The following XG variants were observed in gnomAD, a reference collection of about 807,000 sequenced individuals.
XG encodes the protein Xg glycoprotein (Xg blood group), also known as glycoprotein Xg.
Under a neutral mutation model 25.7 loss-of-function variants are expected in XG, and 24 were observed. That is an observed-to-expected ratio of 0.93 (90% CI 0.68 to 1.31). XG has a LOEUF of 1.31. XG is among the 40% of genes most tolerant of loss of function. XG has a pLI of 0.00. For synonymous variants in XG, 77 were observed against 69.2 expected, an observed-to-expected ratio of 1.11 and a Z score of -0.56; for missense variants, 181 against 187.6, an observed-to-expected ratio of 0.96 and a Z score of 0.21.
chrX:2,767,659 C>G (rs2124439866), intron 1 of XG, among the ~76,000 whole-genome samples: 1 of 152,262 alleles, frequency 6.6e-6, no homozygotes, highest in African/African-American at 2.4e-5. Flanking sequence ...GCCCAGGGGT[C>G]TTACTCCAGA....
chrX:2,753,535 G>A (rs2050375060), intron 1 of XG, among the ~76,000 whole-genome samples: 1 of 151,900 alleles, frequency 6.6e-6, no homozygotes, highest in Admixed American at 6.6e-5. Flanking sequence ...AAATTGGTAT[G>A]CATTCAGTAC....
intron 7 of XG, among the ~76,000 whole-genome samples, chrX:2,806,102 A>G (rs1603457944): frequency 1.8e-5 from 2 of 112,055 alleles, no homozygotes; most frequent in Non-Finnish European, 3.8e-5. Context: ...ATCATAGATC[A>G]TTGCAGCCTC....
intron 4 of XG, among the ~76,000 whole-genome samples, chrX:2,783,489 C>T (rs1364340346): frequency 1.4e-4 from 16 of 112,577 alleles, no homozygotes; most frequent in Non-Finnish European, 2.8e-4. Flanking sequence ...GGCAGAGCAG[C>T]GTGAAGCTGG....
rs781365329 is a variant in XG, at chrX:2,776,747, C to T, written c.127+2008C>T. Among the ~76,000 whole-genome samples, 64 of 152,256 alleles carry T rather than the reference C, an allele frequency of 4.2e-4. No homozygotes were observed. In the South Asian group the frequency reaches 0.011, roughly 27 times the overall value. ...CCTGTAGTCTCAGCTACTTGGGAGGCTGAGGCAGGAGAATGGCGTGAACCC... is the reference window on the plus strand; with the variant it reads ...CCTGTAGTCTCAGCTACTTGGGAGGTTGAGGCAGGAGAATGGCGTGAACCC... On this transcript the variant is annotated intron_variant, in intron 3 of 10. Coordinates refer to ENST00000644266, the MANE Select transcript of XG (RefSeq NM_001141919.2).
chrX:2,768,802 G>GA (rs1188423124), intron 1 of XG, among the ~76,000 whole-genome samples: 2 of 152,074 alleles, frequency 1.3e-5, no homozygotes, highest in African/African-American at 4.8e-5. Flanking sequence ...CAACAATAAA[G>GA]AAAAAATAAG....
rs1228784732 is a variant in XG at position 2,770,024 on chromosome X, T to TG, written c.62-518dup. ...TAGACTCTGTGCGTGTGTGGAGGGG[T>TG]GGGGGGGGCGTTGGGGGGCGGGGAT... On this transcript the variant is annotated intron_variant, in intron 1 of 10. Transcript: ENST00000644266. Among the ~76,000 whole-genome samples, 182 of 28,162 alleles carry TG rather than the reference T, an allele frequency of 6.5e-3. 8 individuals are homozygous for TG. In the South Asian group the frequency reaches 0.067, roughly 10 times the overall value. The allele number at this position is 28,162 out of a possible 152,430, so 18.5% of individuals were successfully genotyped here. A position where few individuals can be genotyped will look rare whatever the true frequency, so the allele number is the denominator to read the frequency against.
At chrX:2,758,124 C>T (rs766575458) in intron 1 of XG, among the ~76,000 whole-genome samples, 4 of 152,134 alleles carry the variant, frequency 2.6e-5, no homozygotes, top group South Asian at 2.1e-4. Context: ...CATTCTGGTG[C>T]CCCCTCTCTC....
At chrX:2,800,821 C>T (rs1160422635) in intron 7 of XG, among the ~76,000 whole-genome samples, 1 of 110,606 alleles carries the variant, frequency 9.0e-6, no homozygotes, top group Non-Finnish European at 1.9e-5. Flanking sequence ...AACCCTGTCT[C>T]TACAAGAAAA....
chrX:2,800,719 GGCCCAC>G (rs1199268050), intron 7 of XG, among the ~76,000 whole-genome samples: 2 of 111,653 alleles, frequency 1.8e-5, no homozygotes, highest in East Asian at 5.7e-4. Context: ...CGGGCATGGT[GGCCCAC>G]GCCTGTAATC....
chrX:2,763,855 G>A (rs1324593345), intron 1 of XG, among the ~76,000 whole-genome samples: 8 of 152,082 alleles, frequency 5.3e-5, no homozygotes, highest in African/African-American at 1.2e-4. Flanking sequence ...GGCGGTGTTC[G>A]GCTTTACTGC....
At position 2,815,800 on chromosome X, in the gene XG, T is replaced by TACACACACACACACACACACACACAC. The variant is rs67528439; in HGVS notation, c.*1442_*1443insACACACACACACACACACACACACAC. On this transcript the variant is annotated 3_prime_UTR_variant, in exon 11 of 11. Transcript: ENST00000644266. ...TTGTGAAAAAACCTGTGTTTTTAGTTACACACACACACACACACACACCTA... is the reference window on the plus strand; with the variant it reads ...TTGTGAAAAAACCTGTGTTTTTAGTTACACACACACACACACACACACACACACACACACACACACACACACACCTA... 3.5e-5 allele frequency: 2 copies of TACACACACACACACACACACACACAC among 57,008 alleles called. No homozygotes were observed. The highest frequency in any genetic ancestry group is 8.8e-5 in the African/African-American group (2 of 22,707). 4.7% of individuals were successfully genotyped at this position (57,008 alleles called of 1,213,427 possible).
intron 6 of XG, among the ~76,000 whole-genome samples, chrX:2,795,602 A>G (rs1486163704): frequency 1.8e-5 from 2 of 110,473 alleles, no homozygotes; most frequent in Non-Finnish European, 3.8e-5. Flanking sequence ...ATACATGTGT[A>G]TATATCTTTA....
chrX:2,757,335 G>A (rs2050457436), intron 1 of XG, among the ~76,000 whole-genome samples: 1 of 151,670 alleles, frequency 6.6e-6, no homozygotes, highest in South Asian at 2.1e-4. Context: ...CAACATTTGG[G>A]CACAAAAATA....
rs757185469 is a variant in XG at position 2,758,371 on chromosome X, G to A, written c.61+6036G>A. On this transcript the variant is annotated intron_variant, in intron 1 of 10. Coordinates refer to ENST00000644266, the MANE Select transcript of XG (RefSeq NM_001141919.2). ...TGTGGGTCAGGCATTTGGGAGCTGGGAGACCTGCATTTTAAGAAGCACCCC... is the reference window on the plus strand; with the variant it reads ...TGTGGGTCAGGCATTTGGGAGCTGGAAGACCTGCATTTTAAGAAGCACCCC... Among the ~76,000 whole-genome samples the A allele has an allele frequency of 2.6e-5, 4 of 152,278 alleles. No individual in the cohort carries two copies. In the South Asian group the frequency reaches 8.3e-4, roughly 32 times the overall value.
Position 2,797,393 on chromosome X carries a change from G to A in XG, c.373+33G>A, listed in dbSNP as rs200183426. The A allele has an allele frequency of 2.5e-5, 29 of 1,148,120 alleles. No individual in the cohort carries two copies. In the East Asian group the frequency reaches 8.7e-4, roughly 34 times the overall value. The allele number at this position is 1,148,120 out of a possible 1,213,427, so 94.6% of individuals were successfully genotyped here. The stretch of plus-strand genomic sequence containing the variant: ...TACATCTGGGCATGCGATGGTGGGT[G>A]GAGGGTGGGAGGGGTCATCTTTCTA... On this transcript the variant is annotated intron_variant, in intron 7 of 10. Coordinates refer to ENST00000644266, the MANE Select transcript of XG (RefSeq NM_001141919.2).
At chrX:2,811,125 A>T (rs1416967563) in intron 9 of XG, among the ~76,000 whole-genome samples, 2 of 107,781 alleles carry the variant, frequency 1.9e-5, no homozygotes, top group Non-Finnish European at 3.8e-5. Context: ...CTTTTTTTTT[A>T]AATTAAGTTT....
At chrX:2,756,327 G>T (rs2050434066) in intron 1 of XG, among the ~76,000 whole-genome samples, 1 of 151,966 alleles carries the variant, frequency 6.6e-6, no homozygotes, top group African/African-American at 2.4e-5. Context: ...GTCATTTATT[G>T]AGGGGAAAAA....
intron 4 of XG, among the ~76,000 whole-genome samples, chrX:2,787,923 AAAAG>A (rs2086800374): frequency 9.4e-6 from 1 of 106,129 alleles, no homozygotes; most frequent in Non-Finnish European, 1.9e-5. Flanking sequence ...AAAAAAAAAA[AAAAG>A]AGAGTCTAGG....
At position 2,815,827 on chromosome X, in the gene XG, T is replaced by G. The variant is rs868167160; in HGVS notation, c.*1447T>G. 2 of 25,997 alleles carry G rather than the reference T, an allele frequency of 7.7e-5. No homozygotes were observed. Among genetic ancestry groups the G allele is most frequent in the African/African-American group, 1.4e-4 (2 of 13,838 alleles). The allele number at this position is 25,997 out of a possible 1,213,427, so 2.1% of individuals were successfully genotyped here. A position where few individuals can be genotyped will look rare whatever the true frequency, so the allele number is the denominator to read the frequency against. ...CACACACACACACACACACACCTACTTAAATGGAATCTAAACATTTTTAGC... is the reference window on the plus strand; with the variant it reads ...CACACACACACACACACACACCTACGTAAATGGAATCTAAACATTTTTAGC... On this transcript the variant is annotated 3_prime_UTR_variant, in exon 11 of 11. Transcript: ENST00000644266.
Sources: gnomAD v4.1 joint callset for allele counts (sites outside exome capture counted in the v4.1 genomes callset) on GRCh38, gnomAD v4.1.1 for gene constraint, MANE v1.5 for transcripts, NCBI Gene and HGNC (gene_info 2026-07-23, HGNC 2026-07-21) for gene names.